Variants in SDS observed in about 807,000 individuals in gnomAD.
SDS encodes the protein serine dehydratase, also known as L-serine dehydratase/L-threonine deaminase.
Under a neutral mutation model 29.3 loss-of-function variants are expected in SDS, and 19 were observed. That is an observed-to-expected ratio of 0.65 (90% confidence interval 0.45 to 0.95). SDS has a LOEUF of 0.95. Ranked by LOEUF, SDS falls within the 40% of genes least tolerant of loss-of-function variation. The pLI is 0.00. For synonymous variants in SDS, 176 were observed against 189.0 expected (o/e 0.93, Z 0.56); for missense variants, 375 against 439.9 (o/e 0.85, Z 1.32).
chr12:113,403,241 C>T (rs1450532173), intron 1 of SDS, among the ~76,000 whole-genome samples: 1 of 152,202 alleles, frequency 6.6e-6, no homozygotes. Context: ...ATCCTCCCAA[C>T]TCAGCCTTCC....
chr12:113,396,957 G>T, intron 6 of SDS: 1 of 592,256 alleles, frequency 1.7e-6, no homozygotes, highest in Non-Finnish European at 3.0e-6. Context: ...GGCTTTTCAC[G>T]TGAGGAAGTG....
chr12:113,399,020 G>A (rs1957667373), intron 3 of SDS, 92 bp downstream of exon 3: 2 of 1,572,210 alleles, frequency 1.3e-6, no homozygotes, highest in Non-Finnish European at 8.7e-7. Context: ...GTTTTCAGTG[G>A]CACATTGCTG....
In SDS at chr12:113,398,694, G is replaced by A; in HGVS notation, c.333+13C>T. ...GGCGCCCTCTCTCTTCCTTGCCCTG[G>A]GTCGGCACTCACCTCACCCACCACC... On this transcript the variant is annotated intron_variant, in intron 4 of 7. Coordinates refer to ENST00000257549, the MANE Select transcript of SDS (RefSeq NM_006843.3). 1 of 1,613,518 alleles carries A rather than the reference G, an allele frequency of 6.2e-7. No individual in the cohort carries two copies. The highest frequency in any genetic ancestry group is 1.1e-5 in the South Asian group (1 of 91,016).
rs142280424 is a variant in SDS, at chr12:113,392,690, G to A, written c.*251C>T. 4.0e-3 allele frequency: 1,977 copies of A among 492,686 alleles called. 27 individuals are homozygous for A. The highest frequency in any genetic ancestry group is 0.015 in the Middle Eastern group (27 of 1,802). The allele number at this position is 492,686 out of a possible 1,614,324, so 30.5% of individuals were successfully genotyped here. On this transcript the variant is annotated 3_prime_UTR_variant, in exon 8 of 8. Coordinates refer to ENST00000257549, the MANE Select transcript of SDS (RefSeq NM_006843.3). ...TGGGTACCTGGTGTGTTACTTGTGG[G>A]CACTTGTCACGCCAGCAAGTTGGCT...
intron 5 of SDS, 73 bp from the exon 6 acceptor site, chr12:113,397,465 C>T (rs1957654991): frequency 1.5e-6 from 2 of 1,290,642 alleles, no homozygotes; most frequent in South Asian, 2.7e-5. Flanking sequence ...TTTGCACCGG[C>T]CTTATCCCAG....
chr12:113,399,613 G>C lies in SDS; in HGVS notation c.96C>G (p.Asp32Glu), dbSNP rs754637462. Residue 32 changes from aspartate (D) to glutamate (E), a missense_variant, in exon 2 of 8, where the codon GAC (aspartate) becomes GAG (glutamate). Transcript: ENST00000257549. ...TGAAGGAGCCGGAGGGCTGGGCACT[G>C]TCCATCTTGAGGTAGACGCTGGTGC... ...MAGTSVYLKM[D>E]SAQPSGSFKI... is the part of the protein sequence containing the mutation. The C allele has an allele frequency of 6.2e-7, 1 of 1,603,204 alleles. No individual in the cohort carries two copies. The highest frequency in any genetic ancestry group is 8.5e-7 in the Non-Finnish European group (1 of 1,176,424).
At chr12:113,400,769 G>A (rs1476153053) in intron 1 of SDS, among the ~76,000 whole-genome samples, 1 of 152,026 alleles carries the variant, frequency 6.6e-6, no homozygotes, top group Non-Finnish European at 1.5e-5. Flanking sequence ...GGCCTCTGAG[G>A]AGAGCTGGCC....
chr12:113,401,100 C>T (rs1047511227), intron 1 of SDS, among the ~76,000 whole-genome samples: 4 of 151,974 alleles, frequency 2.6e-5, no homozygotes, highest in Admixed American at 1.3e-4. Context: ...GTCTACAGAT[C>T]GAGACTCTGT....
chr12:113,395,590 G>A (rs1957639277), intron 6 of SDS, among the ~76,000 whole-genome samples: 1 of 152,202 alleles, frequency 6.6e-6, no homozygotes, highest in Admixed American at 6.5e-5. Flanking sequence ...TTTGAAGGTT[G>A]GAGCATAGCC....
rs1957618358 is a variant in SDS, at chr12:113,392,715, T to TA, written c.*225dup. 5.5e-6 allele frequency: 3 copies of TA among 548,242 alleles called. No homozygotes were observed. The highest frequency in any genetic ancestry group is 7.1e-5 in the Admixed American group (2 of 28,062). The allele number at this position is 548,242 out of a possible 1,614,324, so 34.0% of individuals were successfully genotyped here. A position where few individuals can be genotyped will look rare whatever the true frequency, so the allele number is the denominator to read the frequency against. ...GCACTTGTCACGCCAGCAAGTTGGCTAAGGATGGGCACAGAGCAGTCACAC... is the reference window on the plus strand; with the variant it reads ...GCACTTGTCACGCCAGCAAGTTGGCTAAAGGATGGGCACAGAGCAGTCACAC... On this transcript the variant is annotated 3_prime_UTR_variant, in exon 8 of 8. Coordinates refer to ENST00000257549, the MANE Select transcript of SDS (RefSeq NM_006843.3).
intron 1 of SDS, among the ~76,000 whole-genome samples, chr12:113,400,179 G>T (rs901822614): frequency 2.0e-5 from 3 of 152,140 alleles, no homozygotes; most frequent in African/African-American, 7.2e-5. Context: ...TGTAACCCCA[G>T]CTACTTAGGA....
rs779788964 is a variant in SDS at position 113,392,983 on chromosome 12, C to T, written c.945G>A (p.Ala315=). ...GSNISLAQLR[A]LKEQLGMTNR... ...TTGTCATGCCCAGCTGTTCCTTGAG[C>T]GCCCGCAGCTGGGCCAGGCTGATGT... Residue 315 remains alanine (A), a synonymous_variant, in exon 8 of 8, where the codon GCG becomes GCA. Coordinates refer to ENST00000257549, the MANE Select transcript of SDS (RefSeq NM_006843.3). 6 of 1,614,056 alleles carry T rather than the reference C, an allele frequency of 3.7e-6. No homozygotes were observed. Among genetic ancestry groups the T allele is most frequent in the South Asian group, 2.2e-5 (2 of 91,092 alleles).
intron 7 of SDS, 104 bp from the exon 8 acceptor site, chr12:113,393,253 T>G: frequency 3.5e-6 from 4 of 1,127,666 alleles, no homozygotes; most frequent in Non-Finnish European, 5.3e-6. Context: ...CAATCAGCTC[T>G]CAGCCCTGGC....
chr12:113,399,378 A>G lies in SDS; in HGVS notation c.153+178T>C, dbSNP rs1300595396. 13 of 882,122 alleles carry G rather than the reference A, an allele frequency of 1.5e-5. No homozygotes were observed. In the Admixed American group the frequency reaches 3.5e-4, roughly 24 times the overall value. 54.6% of individuals were successfully genotyped at this position (882,122 alleles called of 1,614,324 possible). ...ATGGCTCTGGGATCAGTCCCAAGGA[A>G]CCCTCCTGGAAGGGCACCCCTCAAA... On this transcript the variant is annotated intron_variant, in intron 2 of 7. Coordinates refer to ENST00000257549, the MANE Select transcript of SDS (RefSeq NM_006843.3).
At position 113,392,754 on chromosome 12, in the gene SDS, G is replaced by T; in HGVS notation, c.*187C>A. On this transcript the variant is annotated 3_prime_UTR_variant, in exon 8 of 8. Coordinates refer to ENST00000257549, the MANE Select transcript of SDS (RefSeq NM_006843.3). ...GAGCAGTCACACAGATACCAAAAAG[G>T]TCCAATTCATAGCCTCGCTGGCTGC... 1 of 663,826 alleles carries T rather than the reference G, an allele frequency of 1.5e-6. No individual in the cohort carries two copies. The highest frequency in any genetic ancestry group is 2.6e-6 in the Non-Finnish European group (1 of 377,928). The allele number at this position is 663,826 out of a possible 1,614,324, so 41.1% of individuals were successfully genotyped here.
intron 1 of SDS, among the ~76,000 whole-genome samples, chr12:113,402,868 G>A (rs146170996): frequency 0.011 from 1,603 of 152,302 alleles, 34 homozygotes; most frequent in African/African-American, 0.035. Flanking sequence ...GGTTGTGCCC[G>A]GGGAGGAGGA....
chr12:113,398,490 C>T, intron 5 of SDS, 25 bp downstream of exon 5: 2 of 1,510,280 alleles, frequency 1.3e-6, no homozygotes, highest in South Asian at 1.2e-5. Context: ...GCCACCCCCA[C>T]CAAGTGACCT....
Position 113,399,588 on chromosome 12 carries a change from T to G in SDS, c.121A>C (p.Lys41Gln). 6.2e-7 allele frequency: 1 copy of G among 1,601,838 alleles called. No individual in the cohort carries two copies. Among genetic ancestry groups the G allele is most frequent in the African/African-American group, 1.3e-5 (1 of 74,734 alleles). ...MDSAQPSGSF[K>Q]IRGIGHFCKR... ...CAGAAGTGCCCAATGCCCCGGATCT[T>G]GAAGGAGCCGGAGGGCTGGGCACTG... Residue 41 changes from lysine to glutamine, a missense_variant, in exon 2 of 8, where the codon AAG (lysine) becomes CAG (glutamine). By Grantham distance (53) the Lys-to-Gln change is moderately conservative. Coordinates refer to ENST00000257549, the MANE Select transcript of SDS (RefSeq NM_006843.3).
chr12:113,399,114 G>C lies in SDS; in HGVS notation c.191C>G (p.Ser64Trp), dbSNP rs927073372. 1.4e-5 allele frequency: 22 copies of C among 1,613,852 alleles called. No homozygotes were observed. The highest frequency in any genetic ancestry group is 1.9e-5 in the Non-Finnish European group (22 of 1,179,926). Residue 64 changes from serine (S) to tryptophan (W), a missense_variant and splice_region_variant, in exon 3 of 8, where the codon TCG becomes TGG. Transcript: ENST00000257549. ...KQGCAHFVCS[S>W]AGNAGMAAAY... ...GGATGGGGAAGCAGATCACTTACCC[G>C]AGGAGCAGACAAAATGTGCACAGCC...
Sources: gnomAD v4.1 joint callset for allele counts (sites outside exome capture counted in the v4.1 genomes callset) on GRCh38, gnomAD v4.1.1 for gene constraint, MANE v1.5 for transcripts, NCBI Gene and HGNC (gene_info 2026-07-23, HGNC 2026-07-21) for gene names.